The following RMDN2 variants were observed in gnomAD, a reference collection of about 807,000 sequenced individuals.
The protein encoded by RMDN2 is regulator of microtubule dynamics 2, also known as regulator of microtubule dynamics protein 2.
RMDN2 carries 61 observed loss-of-function variants against 52.8 expected under a neutral mutation model. The observed-to-expected ratio is 1.16, with a 90% CI of 0.94 to 1.43. The LOEUF is 1.43. Among genes scored for constraint, RMDN2 ranks in the 40% most tolerant of loss-of-function variants. RMDN2 has a pLI of 0.00. For synonymous variants in RMDN2, 180 were observed against 153.1 expected, an observed-to-expected ratio of 1.18 and a Z score of -1.30; for missense variants, 592 against 475.3, an observed-to-expected ratio of 1.25 and a Z score of -2.28.
At chr2:38,039,047 T>TACAC (rs71414270) in intron 10 of RMDN2, among the ~76,000 whole-genome samples, 5,445 of 127,202 alleles carry the variant, frequency 0.043, 139 homozygotes, top group Non-Finnish European at 0.06. Flanking sequence ...CCAGATGCTA[T>TACAC]ACACACACAC....
chr2:38,007,699 G>A (rs199570593), intron 10 of RMDN2, among the ~76,000 whole-genome samples: 29 of 152,000 alleles, frequency 1.9e-4, no homozygotes, highest in South Asian at 6.2e-4. Flanking sequence ...TTATGTCTCT[G>A]TTTCCTTCAG....
chr2:37,957,528 T>C (rs1669637423), intron 2 of RMDN2, among the ~76,000 whole-genome samples: 1 of 152,236 alleles, frequency 6.6e-6, no homozygotes, highest in African/African-American at 2.4e-5. Context: ...AAGTTCCTTG[T>C]AGATTCTTGA....
intron 10 of RMDN2, chr2:38,030,059 G>C (rs1680077836): frequency 6.6e-6 from 1 of 152,142 alleles, no homozygotes. Context: ...CCTCCCACCA[G>C]GTCCCTCCCA....
upstream of RMDN2, among the ~76,000 whole-genome samples, chr2:37,924,386 G>C (rs1666123562): frequency 6.6e-6 from 1 of 152,198 alleles, no homozygotes. Flanking sequence ...TTTTGTTTTT[G>C]TTTTTGAGAC....
intron 10 of RMDN2, among the ~76,000 whole-genome samples, chr2:38,015,923 G>A (rs529238610): frequency 1.3e-5 from 2 of 152,320 alleles, no homozygotes; most frequent in South Asian, 4.1e-4. Flanking sequence ...CAGCTCAAAG[G>A]TGTGGATAGT....
intron 10 of RMDN2, among the ~76,000 whole-genome samples, chr2:38,052,306 G>A (rs190859295): frequency 1.2e-4 from 19 of 152,194 alleles, no homozygotes; most frequent in Non-Finnish European, 2.6e-4. Flanking sequence ...ATACCTGTTG[G>A]CCATTTGTGT....
At chr2:37,972,359 C>A (rs942458555) in intron 2 of RMDN2, among the ~76,000 whole-genome samples, 1 of 151,766 alleles carries the variant, frequency 6.6e-6, no homozygotes, top group African/African-American at 2.4e-5. Context: ...AAGAACATAC[C>A]AGGCAGAAGA....
At chr2:37,938,356 C>A (rs1033369913) in intron 2 of RMDN2, among the ~76,000 whole-genome samples, 5 of 152,084 alleles carry the variant, frequency 3.3e-5, no homozygotes, top group African/African-American at 4.8e-5. Flanking sequence ...CTGAAATTTT[C>A]TTTTTTTGTT....
Position 37,956,235 on chromosome 2 carries a change from T to C in RMDN2, c.453-17805T>C, listed in dbSNP as rs540336940. Among the ~76,000 whole-genome samples the C allele has an allele frequency of 1.2e-3, 186 of 152,334 alleles. 1 individual carries two copies. In the South Asian group the frequency reaches 0.014, roughly 11 times the overall value. On this transcript the variant is annotated intron_variant, in intron 2 of 10. Transcript: ENST00000354545. ...GTTTTTAATTACTTTTTACTAGTTA[T>C]AGATCTATTCAGATTTTCTATTTAT...
intron 2 of RMDN2, among the ~76,000 whole-genome samples, chr2:37,939,668 A>G (rs1343288686): frequency 2.0e-5 from 3 of 151,958 alleles, no homozygotes; most frequent in Admixed American, 6.6e-5. Flanking sequence ...TTTTTGATGT[A>G]TGTTGGTTTA....
chr2:38,041,229 T>A (rs1340871609), intron 10 of RMDN2, among the ~76,000 whole-genome samples: 12 of 152,154 alleles, frequency 7.9e-5, no homozygotes, highest in African/African-American at 4.8e-5. Context: ...CCCAGCAGTG[T>A]CTGACAAATG....
chr2:38,025,757 T>C (rs1357094938), intron 10 of RMDN2, among the ~76,000 whole-genome samples: 1 of 152,140 alleles, frequency 6.6e-6, no homozygotes, highest in East Asian at 1.9e-4. Context: ...TGATGAATTA[T>C]ATTTGAATTT....
At position 37,950,271 on chromosome 2, in the gene RMDN2, T is replaced by A. The variant is rs1005793445; in HGVS notation, c.452+20542T>A. 5.9e-6 allele frequency: 3 copies of A among 505,316 alleles called. No homozygotes were observed. The East Asian group carries it at 1.1e-4, about 19-fold the overall frequency. The allele number at this position is 505,316 out of a possible 1,614,324, so 31.3% of individuals were successfully genotyped here. A position where few individuals can be genotyped will look rare whatever the true frequency, so the allele number is the denominator to read the frequency against. Reference sequence around the variant, plus strand: ...ACAGCTGTCATATATGTTATTGTCCTTATCCAGCTGTTTTCCCACCCCTGG... The same window carrying A: ...ACAGCTGTCATATATGTTATTGTCCATATCCAGCTGTTTTCCCACCCCTGG... On this transcript the variant is annotated intron_variant, in intron 2 of 10. Transcript: ENST00000354545.
intron 2 of RMDN2, among the ~76,000 whole-genome samples, chr2:37,970,255 T>C (rs1671616389): frequency 6.6e-6 from 1 of 152,148 alleles, no homozygotes; most frequent in African/African-American, 2.4e-5. Flanking sequence ...ATTTCTTTTG[T>C]CCTGAAGTGG....
intron 2 of RMDN2, among the ~76,000 whole-genome samples, chr2:37,936,600 T>C (rs1382043114): frequency 6.6e-6 from 1 of 152,258 alleles, no homozygotes; most frequent in Non-Finnish European, 1.5e-5. Context: ...TTGTATAAGA[T>C]GATATCTCAT....
chr2:38,050,658 G>C (rs1247755430), intron 10 of RMDN2, among the ~76,000 whole-genome samples: 3 of 152,174 alleles, frequency 2.0e-5, no homozygotes, highest in Non-Finnish European at 4.4e-5. Flanking sequence ...TTGGTTGAGA[G>C]AAGACACAAT....
chr2:37,980,083 T>C (rs1166080448), intron 4 of RMDN2, among the ~76,000 whole-genome samples: 3 of 152,122 alleles, frequency 2.0e-5, no homozygotes, highest in African/African-American at 7.2e-5. Flanking sequence ...TAGAATAAAA[T>C]ATTTTTATTT....
At chr2:37,967,287 A>C (rs749122628) in intron 2 of RMDN2, among the ~76,000 whole-genome samples, 1 of 152,258 alleles carries the variant, frequency 6.6e-6, no homozygotes, top group Admixed American at 6.5e-5. Context: ...ATGGGTGCTA[A>C]AACTGTTGCA....
At chr2:37,941,678 G>A (rs1229957668) in intron 2 of RMDN2, among the ~76,000 whole-genome samples, 3 of 152,198 alleles carry the variant, frequency 2.0e-5, no homozygotes, top group Admixed American at 2.0e-4. Context: ...ACTTCCTGGT[G>A]GCTTTGTTTA....
Sources: gnomAD v4.1 joint callset for allele counts (sites outside exome capture counted in the v4.1 genomes callset) on GRCh38, gnomAD v4.1.1 for gene constraint, MANE v1.5 for transcripts, NCBI Gene and HGNC (gene_info 2026-07-23, HGNC 2026-07-21) for gene names.